Variants in CCDC91 observed in about 807,000 individuals in gnomAD.
CCDC91 encodes coiled-coil domain containing 91, also known as coiled-coil domain-containing protein 91.
A neutral mutation model predicts 63.2 loss-of-function variants in CCDC91; 48 were observed. The ratio of observed to expected loss-of-function variants is 0.76; its 90% confidence interval spans 0.60 to 0.97. The LOEUF is 0.97. Among genes scored for constraint, CCDC91 ranks in the 50% least tolerant of loss-of-function variants. The pLI, the probability that CCDC91 is intolerant of heterozygous loss-of-function variation, is 0.00. For missense variants in CCDC91, 500 were observed against 494.6 expected (o/e 1.01, Z -0.10); for synonymous variants, 167 against 165.8 (o/e 1.01, Z -0.06).
At chr12:28,435,770 C>G (rs1948870825) in intron 8 of CCDC91, among the ~76,000 whole-genome samples, 1 of 151,684 alleles carries the variant, frequency 6.6e-6, no homozygotes, top group African/African-American at 2.4e-5. Flanking sequence ...AGCTTTTTCT[C>G]CCATATTGAT....
At chr12:28,218,250 A>T (rs2135614438) in intron 1 of CCDC91, among the ~76,000 whole-genome samples, 1 of 152,230 alleles carries the variant, frequency 6.6e-6, no homozygotes, top group Admixed American at 6.5e-5. Flanking sequence ...TGCGCATTCG[A>T]CTGTTGGTCT....
At chr12:28,296,099 G>A (rs1483274234) in intron 3 of CCDC91, among the ~76,000 whole-genome samples, 1 of 151,330 alleles carries the variant, frequency 6.6e-6, no homozygotes, top group Non-Finnish European at 1.5e-5. Context: ...TTCTTGCTGT[G>A]ATATTAAAGA....
intron 8 of CCDC91, among the ~76,000 whole-genome samples, chr12:28,393,730 G>A (rs373610775): frequency 2.8e-4 from 42 of 152,310 alleles, no homozygotes; most frequent in Middle Eastern, 6.8e-3. Context: ...GTGCATGCAA[G>A]TCTTCAGATT....
chr12:28,446,761 G>A (rs181290505), intron 8 of CCDC91, among the ~76,000 whole-genome samples: 261 of 152,124 alleles, frequency 1.7e-3, no homozygotes, highest in African/African-American at 5.4e-3. Context: ...CACCTTGTGC[G>A]GCCTCAAAAA....
intron 6 of CCDC91, among the ~76,000 whole-genome samples, chr12:28,360,593 C>A (rs1189070842): frequency 6.6e-6 from 1 of 152,106 alleles, no homozygotes. Context: ...TAATAAATCC[C>A]ACTTGATTGA....
At chr12:28,301,421 G>A (rs1938062223) in intron 3 of CCDC91, among the ~76,000 whole-genome samples, 1 of 150,758 alleles carries the variant, frequency 6.6e-6, no homozygotes, top group Admixed American at 6.6e-5. Flanking sequence ...AGTTCTATTG[G>A]TTCATTACAT....
At chr12:28,416,564 A>G (rs1947675341) in intron 8 of CCDC91, among the ~76,000 whole-genome samples, 1 of 152,054 alleles carries the variant, frequency 6.6e-6, no homozygotes. Context: ...CATCAAGGAT[A>G]GGGGGAATTG....
intron 11 of CCDC91, among the ~76,000 whole-genome samples, chr12:28,473,777 C>T (rs983629102): frequency 3.3e-5 from 5 of 151,988 alleles, no homozygotes; most frequent in East Asian, 1.9e-4. Flanking sequence ...CAACCGATGC[C>T]GTCAATCTCA....
At chr12:28,216,452 G>C (rs868650897) in intron 1 of CCDC91, among the ~76,000 whole-genome samples, 1 of 151,918 alleles carries the variant, frequency 6.6e-6, no homozygotes, top group Non-Finnish European at 1.5e-5. Context: ...ACAGAATTCA[G>C]TTATGCTACC....
At chr12:28,461,002 A>T (rs1014783925) in intron 11 of CCDC91, among the ~76,000 whole-genome samples, 1 of 151,912 alleles carries the variant, frequency 6.6e-6, no homozygotes, top group African/African-American at 2.4e-5. Flanking sequence ...CCTACCACAC[A>T]CTTAGGTTAT....
chr12:28,339,361 TTAGA>T lies in CCDC91; in HGVS notation c.577-23073_577-23070del, dbSNP rs577667604. Among the ~76,000 whole-genome samples the T allele has an allele frequency of 1.0e-3, 156 of 152,176 alleles. 1 individual carries two copies. The highest frequency in any genetic ancestry group is 3.4e-3 in the African/African-American group (141 of 41,524). Reference sequence around the variant, plus strand: ...TTTAAGAAGACTTTTAGTTATCCAGTTAGATAGTTGAATAGGCAGCTAGTACATG... The same window carrying T: ...TTTAAGAAGACTTTTAGTTATCCAGTTAGTTGAATAGGCAGCTAGTACATG... On this transcript the variant is annotated intron_variant, in intron 6 of 12. Coordinates refer to ENST00000536442, the MANE Select transcript of CCDC91 (RefSeq NM_018318.5).
At chr12:28,301,358 G>A (rs1295783545) in intron 3 of CCDC91, among the ~76,000 whole-genome samples, 1 of 151,444 alleles carries the variant, frequency 6.6e-6, no homozygotes, top group African/African-American at 2.4e-5. Flanking sequence ...TTATTATGGA[G>A]TATTATATTA....
intron 7 of CCDC91, among the ~76,000 whole-genome samples, chr12:28,378,979 C>T (rs1485819262): frequency 6.6e-6 from 1 of 152,006 alleles, no homozygotes; most frequent in Non-Finnish European, 1.5e-5. Context: ...AGGCCAAAAC[C>T]AAAAGGTATT....
chr12:28,228,739 A>C (rs1438291155), intron 1 of CCDC91, among the ~76,000 whole-genome samples: 1 of 152,144 alleles, frequency 6.6e-6, no homozygotes, highest in Non-Finnish European at 1.5e-5. Context: ...AGCACATTTC[A>C]GAAGTCTCTT....
rs191709897 is a variant in CCDC91 at position 28,216,166 on chromosome 12, A to G, written c.-15+25525A>G. Among the ~76,000 whole-genome samples the G allele has an allele frequency of 1.1e-3, 163 of 152,198 alleles. 1 individual carries two copies. Among genetic ancestry groups the G allele is most frequent in the African/African-American group, 3.8e-3 (157 of 41,550 alleles). On this transcript the variant is annotated intron_variant, in intron 1 of 12. Transcript: ENST00000536442. ...ATATTTTCAGCATTTAAAGCTGTCT[A>G]ATTACCATACATTCTTTCCATTGTG... is the stretch of plus-strand genomic sequence containing the variant.
chr12:28,336,177 CAGA>C (rs1480882341), intron 6 of CCDC91, among the ~76,000 whole-genome samples: 1 of 151,762 alleles, frequency 6.6e-6, no homozygotes, highest in African/African-American at 2.4e-5. Flanking sequence ...GGCCCTAATT[CAGA>C]AGAACAGGAT....
At chr12:28,520,333 A>G (rs1432683972) in intron 12 of CCDC91, among the ~76,000 whole-genome samples, 3 of 151,816 alleles carry the variant, frequency 2.0e-5, no homozygotes, top group Non-Finnish European at 2.9e-5. Flanking sequence ...GATGATGAGA[A>G]TTTTTTCATG....
At chr12:28,273,299 T>C (rs1298785362) in intron 3 of CCDC91, among the ~76,000 whole-genome samples, 1 of 152,206 alleles carries the variant, frequency 6.6e-6, no homozygotes, top group Non-Finnish European at 1.5e-5. Flanking sequence ...GCAGTAAACA[T>C]ACGTGTGCAC....
At chr12:28,500,621 A>C (rs1263540751) in intron 12 of CCDC91, among the ~76,000 whole-genome samples, 1 of 151,796 alleles carries the variant, frequency 6.6e-6, no homozygotes, top group Non-Finnish European at 1.5e-5. Context: ...TAGCTAAATA[A>C]ATAGATACCG....
Sources: gnomAD v4.1 joint callset for allele counts (sites outside exome capture counted in the v4.1 genomes callset) on GRCh38, gnomAD v4.1.1 for gene constraint, MANE v1.5 for transcripts, NCBI Gene and HGNC (gene_info 2026-07-23, HGNC 2026-07-21) for gene names.